The following GRHL2 variants were observed in gnomAD, a reference collection of about 807,000 sequenced individuals.
GRHL2 encodes the protein grainyhead-like protein 2 homolog.
In GRHL2, 21 loss-of-function variants were observed where a neutral mutation model predicts 83.8. The ratio of observed to expected loss-of-function variants is 0.25; its 90% CI spans 0.18 to 0.36. GRHL2 has a LOEUF of 0.36. GRHL2 is among the 10% of genes least tolerant of loss of function. The probability of loss-of-function intolerance (pLI) is 1.00; values close to 1 mark genes in which losing one functional copy is unlikely to be tolerated. For missense variants in GRHL2, 623 were observed against 781.8 expected, an observed-to-expected ratio of 0.80 and a Z score of 2.42; for synonymous variants, 280 against 278.9, an observed-to-expected ratio of 1.00 and a Z score of -0.04.
At chr8:101,632,708 G>A (rs528539901) in intron 11 of GRHL2, among the ~76,000 whole-genome samples, 3 of 152,360 alleles carry the variant, frequency 2.0e-5, no homozygotes, top group East Asian at 3.9e-4. Flanking sequence ...ACCTAATGGT[G>A]AGAAGTTGAA....
At chr8:101,570,231 A>G in intron 4 of GRHL2, 108 bp from the exon 5 acceptor site, 1 of 953,016 alleles carries the variant, frequency 1.0e-6, no homozygotes, top group Non-Finnish European at 1.7e-6. Context: ...CAAATACATA[A>G]CTTTATTTTC....
chr8:101,586,631 G>T (rs540636560), intron 7 of GRHL2, among the ~76,000 whole-genome samples: 4 of 152,312 alleles, frequency 2.6e-5, no homozygotes, highest in African/African-American at 9.6e-5. Flanking sequence ...TGAACTTTTT[G>T]AATGAAGAGA....
chr8:101,559,561 T>TA (rs888867502), intron 4 of GRHL2, among the ~76,000 whole-genome samples: 9 of 151,716 alleles, frequency 5.9e-5, no homozygotes, highest in African/African-American at 1.5e-4. Flanking sequence ...AATAAAACTT[T>TA]AAAAAACCTT....
chr8:101,557,294 G>A (rs563591818), intron 3 of GRHL2, among the ~76,000 whole-genome samples: 29 of 142,980 alleles, frequency 2.0e-4, no homozygotes, highest in Non-Finnish European at 3.6e-4. Context: ...GTGTGATCTC[G>A]ACTCACTGCA....
chr8:101,671,407 T>G (rs1290269379), downstream of GRHL2, among the ~76,000 whole-genome samples: 2 of 152,192 alleles, frequency 1.3e-5, no homozygotes, highest in East Asian at 3.9e-4. Context: ...GGAGTCTCGC[T>G]GATTGCTAGC....
At chr8:101,528,274 AATTC>A (rs1437642383) in intron 1 of GRHL2, among the ~76,000 whole-genome samples, 4 of 152,184 alleles carry the variant, frequency 2.6e-5, no homozygotes, top group Non-Finnish European at 5.9e-5. Context: ...TCAGTTTATT[AATTC>A]ATTTTGTGCT....
intron 14 of GRHL2, among the ~76,000 whole-genome samples, chr8:101,660,206 AG>A (rs550798808): frequency 3.0e-4 from 45 of 152,358 alleles, no homozygotes; most frequent in South Asian, 6.2e-4. Context: ...CCATGTTATC[AG>A]ATGCATAAAG....
chr8:101,559,234 G>A (rs76691538), intron 4 of GRHL2, among the ~76,000 whole-genome samples: 6,241 of 151,838 alleles, frequency 0.041, 402 homozygotes, highest in African/African-American at 0.14. Flanking sequence ...AACTTTGGCT[G>A]GACGCGGTGG....
chr8:101,666,638 G>A lies in GRHL2; in HGVS notation c.1813G>A (p.Asp605Asn). 6.2e-7 allele frequency: 1 copy of A among 1,613,730 alleles called. No individual in the cohort carries two copies. Residue 605 changes from aspartate (D) to asparagine (N), a missense_variant, in exon 16 of 16, where the codon GAC becomes AAC. Physicochemically the swap from Asp to Asn is conservative, Grantham distance 23. Transcript: ENST00000646743. ...DNIIEHYSNEDTFILNMESMV... is the reference protein window; with the variant it reads ...DNIIEHYSNENTFILNMESMV... Reference sequence around the variant, plus strand: ...CATCATCGAGCACTACTCGAACGAGGACACCTTCATCCTCAACATGGAGAG... The same window carrying A: ...CATCATCGAGCACTACTCGAACGAGAACACCTTCATCCTCAACATGGAGAG...
chr8:101,632,532 A>G (rs1813206794), intron 11 of GRHL2, among the ~76,000 whole-genome samples, 167 bp downstream of exon 11: 2 of 152,252 alleles, frequency 1.3e-5, no homozygotes. Flanking sequence ...ATAGAAAGGA[A>G]TGTCTCAGGA....
At chr8:101,622,351 C>T (rs564232342) in intron 9 of GRHL2, among the ~76,000 whole-genome samples, 3 of 152,000 alleles carry the variant, frequency 2.0e-5, no homozygotes, top group East Asian at 1.9e-4. Flanking sequence ...TATTTCTTCT[C>T]GGGGACTCTA....
chr8:101,502,808 CCTT>C lies in GRHL2; in HGVS notation c.20+10022_20+10024del, dbSNP rs1282996409. ...TCCTTTTCCTCATCCTCTTTCTTCT[CCTT>C]CTCTTCTTCTCTGTCCCCTTCTCCT... On this transcript the variant is annotated intron_variant, in intron 1 of 15. Coordinates refer to ENST00000646743, the MANE Select transcript of GRHL2 (RefSeq NM_024915.4). Among the ~76,000 whole-genome samples the C allele has an allele frequency of 1.6e-4, 24 of 151,468 alleles. No homozygotes were observed. In the East Asian group the frequency reaches 4.3e-3, roughly 27 times the overall value.
chr8:101,657,358 T>C (rs1051281468), intron 14 of GRHL2, among the ~76,000 whole-genome samples: 1 of 152,136 alleles, frequency 6.6e-6, no homozygotes, highest in Non-Finnish European at 1.5e-5. Context: ...CAAAGAGAAC[T>C]TTCCACAAAA....
chr8:101,564,830 A>AAAAAAAAAAAG (rs5893572), intron 4 of GRHL2, among the ~76,000 whole-genome samples: 1 of 149,890 alleles, frequency 6.7e-6, no homozygotes, highest in African/African-American at 2.5e-5. Context: ...AAAAAAAAAA[A>AAAAAAAAAAAG]CCACTTTAAT....
chr8:101,562,067 C>A, intron 4 of GRHL2: 1 of 716,962 alleles, frequency 1.4e-6, no homozygotes, highest in Admixed American at 1.8e-5. Flanking sequence ...AACTACTTCC[C>A]TTTGCCTGCA....
At chr8:101,608,448 A>G (rs1017496947) in intron 8 of GRHL2, among the ~76,000 whole-genome samples, 5 of 152,228 alleles carry the variant, frequency 3.3e-5, no homozygotes, top group African/African-American at 1.2e-4. Flanking sequence ...CAAACAAGCC[A>G]GGCAGAATCC....
At chr8:101,550,600 A>G (rs1415089247) in intron 2 of GRHL2, among the ~76,000 whole-genome samples, 1 of 152,230 alleles carries the variant, frequency 6.6e-6, no homozygotes, top group African/African-American at 2.4e-5. Context: ...AAATTGTCAT[A>G]AAAGATATAT....
chr8:101,667,391 T>C lies in GRHL2; in HGVS notation c.*688T>C, dbSNP rs1423516268. 1 of 154,130 alleles carries C rather than the reference T, an allele frequency of 6.5e-6. No homozygotes were observed. Among genetic ancestry groups the C allele is most frequent in the African/African-American group, 2.4e-5 (1 of 41,466 alleles). 9.5% of individuals were successfully genotyped at this position (154,130 alleles called of 1,614,324 possible). ...ATATTTTACCTGTGGTATGTGGGCA[T>C]GTTTACTGCCACTGGCCTAGAGGAG... On this transcript the variant is annotated 3_prime_UTR_variant, in exon 16 of 16. Transcript: ENST00000646743.
intron 14 of GRHL2, among the ~76,000 whole-genome samples, chr8:101,658,941 C>T (rs1321654974): frequency 6.6e-6 from 1 of 152,098 alleles, no homozygotes; most frequent in Non-Finnish European, 1.5e-5. Context: ...TATCGGGGTG[C>T]TTACCTTTTT....
Sources: allele counts gnomAD v4.1 joint callset (sites outside exome capture counted in the v4.1 genomes callset), GRCh38; gene constraint gnomAD v4.1.1; transcripts MANE v1.5; gene names NCBI Gene and HGNC (gene_info 2026-07-23, HGNC 2026-07-21).